Variants in RPTOR observed in about 807,000 individuals in gnomAD.
RPTOR encodes the protein regulatory associated protein of MTOR complex 1, also known as regulatory-associated protein of mTOR.
Under a neutral mutation model 169.9 loss-of-function variants are expected in RPTOR, and 21 were observed. That is an observed-to-expected ratio of 0.12 (90% CI 0.09 to 0.18). The LOEUF (loss-of-function observed/expected upper bound fraction) is 0.18, where lower values mean the gene tolerates loss of function less well. RPTOR is among the 10% of genes least tolerant of loss of function. The probability of loss-of-function intolerance (pLI) is 1.00; values close to 1 mark genes in which losing one functional copy is unlikely to be tolerated. For missense variants in RPTOR, 1,133 were observed against 1,855.9 expected (o/e 0.61, Z 7.16); for synonymous variants, 732 against 753.2 (o/e 0.97, Z 0.46).
At position 80,609,258 on chromosome 17, in the gene RPTOR, C is replaced by T. The variant is rs377470599; in HGVS notation, c.163-16433C>T. On this transcript the variant is annotated intron_variant, in intron 1 of 33. Coordinates refer to ENST00000306801, the MANE Select transcript of RPTOR (RefSeq NM_020761.3). The surrounding 1 kb of genome is among the most constrained non-coding windows in gnomAD (Gnocchi z 4.8). Reference sequence around the variant, plus strand: ...ATTCTGCACTGTGAGCAGCGCAGGTCGGAAGAGGCATTTGGAAATGACACG... The same window carrying T: ...ATTCTGCACTGTGAGCAGCGCAGGTTGGAAGAGGCATTTGGAAATGACACG... 1.7e-4 allele frequency among the ~76,000 whole-genome samples: 26 copies of T among 152,248 alleles called. No homozygotes were observed. In the East Asian group the frequency reaches 2.3e-3, roughly 14 times the overall value.
rs1164795979 is a variant in RPTOR at position 80,922,882 on chromosome 17, G to A, written c.2624+55G>A. ...CGTGGTGGTGACCGGGGCCCCACGG[G>A]CTGAGCTGTCCCTGAGCCGGCCTCC... On this transcript the variant is annotated intron_variant, in intron 22 of 33. Transcript: ENST00000306801. 6 of 1,438,146 alleles carry A rather than the reference G, an allele frequency of 4.2e-6. No individual in the cohort carries two copies. In the African/African-American group the frequency reaches 8.5e-5, roughly 20 times the overall value. 89.1% of individuals were successfully genotyped at this position (1,438,146 alleles called of 1,614,324 possible).
chr17:80,946,657 C>G (rs1253717167), intron 26 of RPTOR, among the ~76,000 whole-genome samples: 1 of 152,226 alleles, frequency 6.6e-6, no homozygotes, highest in Non-Finnish European at 1.5e-5. Flanking sequence ...TCAGAATTTC[C>G]TTTTCATGGC....
chr17:80,644,397 G>A (rs772690838), intron 3 of RPTOR, among the ~76,000 whole-genome samples: 1 of 132,358 alleles, frequency 7.6e-6, no homozygotes, highest in African/African-American at 2.9e-5. Context: ...GTGTCAAATT[G>A]CCTTTAAGAT....
chr17:80,948,049 A>T (rs966729932), intron 27 of RPTOR, among the ~76,000 whole-genome samples: 35 of 152,170 alleles, frequency 2.3e-4, no homozygotes, highest in African/African-American at 8.2e-4. Flanking sequence ...CCTGTTGCTG[A>T]TGAGAAGTCG....
intron 20 of RPTOR, among the ~76,000 whole-genome samples, chr17:80,908,040 G>A (rs1056801875): frequency 1.3e-5 from 2 of 152,166 alleles, no homozygotes; most frequent in Non-Finnish European, 2.9e-5. Flanking sequence ...TGGCGACGCT[G>A]GGGGTAACAC....
chr17:80,699,590 A>G (rs35891590), intron 3 of RPTOR, among the ~76,000 whole-genome samples: 190 of 76,958 alleles, frequency 2.5e-3, no homozygotes, highest in African/African-American at 6.1e-3. Context: ...TGCTGTGCAC[A>G]GTACCCTGGT....
chr17:80,599,762 G>C (rs553685104), intron 1 of RPTOR, among the ~76,000 whole-genome samples: 6 of 152,324 alleles, frequency 3.9e-5, no homozygotes, highest in African/African-American at 1.4e-4. Flanking sequence ...GGAAAGGAGG[G>C]AACGTGTCAT....
rs1363990974 is a variant in RPTOR, at chr17:80,707,243, T to C, written c.349-598T>C. Among the ~76,000 whole-genome samples the C allele has an allele frequency of 6.6e-6, 1 of 152,238 alleles. No individual in the cohort carries two copies. Among genetic ancestry groups the C allele is most frequent in the Non-Finnish European group, 1.5e-5 (1 of 68,042 alleles). ...TCCAGATGTTTTCAGAAGGACCGCG[T>C]ACTTCTGAGAAACACTTGGTACCCC... On this transcript the variant is annotated intron_variant, in intron 3 of 33. Transcript: ENST00000306801. The surrounding 1 kb of genome is among the most constrained non-coding windows in gnomAD (Gnocchi z 5.0).
intron 6 of RPTOR, among the ~76,000 whole-genome samples, chr17:80,757,359 G>A (rs946293311): frequency 6.6e-6 from 1 of 152,292 alleles, no homozygotes; most frequent in South Asian, 2.1e-4. Flanking sequence ...CTGACGCCAC[G>A]TTGTTTCTGA....
At chr17:80,865,207 G>T (rs973829742) in intron 13 of RPTOR, among the ~76,000 whole-genome samples, 8 of 152,200 alleles carry the variant, frequency 5.3e-5, no homozygotes, top group African/African-American at 1.7e-4. Flanking sequence ...CAACAGAGAT[G>T]ATATGAAGTC....
intron 5 of RPTOR, among the ~76,000 whole-genome samples, chr17:80,742,813 T>C (rs930339471): frequency 6.6e-6 from 1 of 151,812 alleles, no homozygotes; most frequent in Admixed American, 6.6e-5. Flanking sequence ...TATATACACA[T>C]ATATACATGC....
chr17:80,702,665 G>A (rs180927532), intron 3 of RPTOR, among the ~76,000 whole-genome samples: 1 of 152,246 alleles, frequency 6.6e-6, no homozygotes, highest in Non-Finnish European at 1.5e-5. Context: ...CCTTCTCTAC[G>A]CAATAGGTAA....
chr17:80,643,663 A>C, intron 2 of RPTOR, 65 bp from the exon 3 acceptor site: 1 of 1,212,406 alleles, frequency 8.2e-7, no homozygotes, highest in Non-Finnish European at 1.2e-6. Flanking sequence ...AAACTGTGGA[A>C]GAGAGGCCTA....
At chr17:80,946,728 A>G (rs977479204) in intron 26 of RPTOR, among the ~76,000 whole-genome samples, 2 of 152,194 alleles carry the variant, frequency 1.3e-5, no homozygotes, top group African/African-American at 4.8e-5. Flanking sequence ...CTGTTCATGG[A>G]CACCTGGGTT....
At chr17:80,629,297 C>A (rs971899702) in intron 2 of RPTOR, among the ~76,000 whole-genome samples, 2 of 151,448 alleles carry the variant, frequency 1.3e-5, no homozygotes, top group African/African-American at 4.9e-5. Context: ...CGCGGCTCTT[C>A]CGTGTGTCTC....
chr17:80,685,627 A>AT lies in RPTOR; in HGVS notation c.349-22184dup, dbSNP rs1165540456. Among the ~76,000 whole-genome samples, 30 of 30,674 alleles carry AT rather than the reference A, an allele frequency of 9.8e-4. 5 individuals carry two copies. Among genetic ancestry groups the AT allele is most frequent in the African/African-American group, 3.6e-3 (21 of 5,826 alleles). The allele number at this position is 30,674 out of a possible 152,430, so 20.1% of individuals were successfully genotyped here. ...CATATATATATATATATATATATAT[A>AT]TTTTTTTTTTTTTTTTTTTTTTTTT... On this transcript the variant is annotated intron_variant, in intron 3 of 33. Coordinates refer to ENST00000306801, the MANE Select transcript of RPTOR (RefSeq NM_020761.3).
chr17:80,800,867 C>G (rs567451267), intron 7 of RPTOR, among the ~76,000 whole-genome samples: 1 of 152,218 alleles, frequency 6.6e-6, no homozygotes, highest in Non-Finnish European at 1.5e-5. Flanking sequence ...AGAACTTACT[C>G]GTGATTAACA....
chr17:80,901,379 CTT>C (rs1229845467), intron 20 of RPTOR, among the ~76,000 whole-genome samples: 2 of 150,472 alleles, frequency 1.3e-5, no homozygotes, highest in African/African-American at 2.5e-5. Context: ...TGATTCCTGA[CTT>C]TTTTTTTTTT....
intron 1 of RPTOR, among the ~76,000 whole-genome samples, chr17:80,565,316 G>A (rs930750930): frequency 6.6e-6 from 1 of 152,170 alleles, no homozygotes; most frequent in Non-Finnish European, 1.5e-5. Context: ...GACTTTGTGA[G>A]GTTTGGTGGA....
Sources: gnomAD v4.1 joint callset for allele counts (sites outside exome capture counted in the v4.1 genomes callset) on GRCh38, gnomAD v4.1.1 for gene constraint, Gnocchi (gnomAD v3.1) non-coding constraint, MANE v1.5 for transcripts, NCBI Gene and HGNC (gene_info 2026-07-23, HGNC 2026-07-21) for gene names.